The following TLL1 variants were observed in gnomAD, a reference collection of about 807,000 sequenced individuals.
The protein encoded by TLL1 is tolloid-like protein 1.
In TLL1, 49 loss-of-function variants were observed where a neutral mutation model predicts 128.2. The observed-to-expected ratio is 0.38, with a 90% CI of 0.30 to 0.48. The LOEUF is 0.48. Ranked by LOEUF, TLL1 falls within the 20% of genes least tolerant of loss-of-function variation. The pLI is 0.96. For missense variants in TLL1, 1,123 were observed against 1,242.0 expected (o/e 0.90, Z 1.44); for synonymous variants, 454 against 418.8 (o/e 1.08, Z -1.03).
At chr4:166,094,508 C>G (rs181876352) in intron 19 of TLL1, among the ~76,000 whole-genome samples, 3 of 152,102 alleles carry the variant, frequency 2.0e-5, no homozygotes, top group Non-Finnish European at 2.9e-5. Flanking sequence ...ACGTGAGGAA[C>G]CCCAATCACA....
At chr4:166,056,484 G>A (rs1740012781) in intron 13 of TLL1, among the ~76,000 whole-genome samples, 1 of 151,702 alleles carries the variant, frequency 6.6e-6, no homozygotes, top group Non-Finnish European at 1.5e-5. Flanking sequence ...ATTTTCTGGA[G>A]CAAAATGTCT....
At chr4:165,912,919 G>C (rs1441569241) in intron 1 of TLL1, among the ~76,000 whole-genome samples, 6 of 151,548 alleles carry the variant, frequency 4.0e-5, no homozygotes, top group African/African-American at 1.2e-4. Context: ...GGATTGAGCT[G>C]TTTTCTTTTT....
At chr4:166,035,025 C>T (rs1438830953) in intron 9 of TLL1, among the ~76,000 whole-genome samples, 1 of 152,182 alleles carries the variant, frequency 6.6e-6, no homozygotes, top group African/African-American at 2.4e-5. Context: ...GCAGAGCCCT[C>T]CCGGCTTAAT....
chr4:165,941,154 C>T (rs1733987109), intron 1 of TLL1, among the ~76,000 whole-genome samples: 1 of 151,944 alleles, frequency 6.6e-6, no homozygotes. Flanking sequence ...GTTTGAAAGA[C>T]ATGATTTGTT....
At chr4:166,093,067 G>A (rs902218098) in intron 19 of TLL1, among the ~76,000 whole-genome samples, 5 of 152,278 alleles carry the variant, frequency 3.3e-5, no homozygotes, top group African/African-American at 9.6e-5. Flanking sequence ...GTCATGTGAA[G>A]GGGTGGCCTG....
intron 7 of TLL1, among the ~76,000 whole-genome samples, chr4:166,012,831 C>T (rs1737760580): frequency 6.6e-6 from 1 of 151,676 alleles, no homozygotes; most frequent in African/African-American, 2.4e-5. Flanking sequence ...ATGTTTAGAT[C>T]TTGTAGTAAA....
rs76264237 is a variant in TLL1, at chr4:166,046,197, T to A, written c.1524+2778T>A. Among the ~76,000 whole-genome samples the A allele has an allele frequency of 5.5e-3, 839 of 152,306 alleles. 4 individuals carry two copies. Among genetic ancestry groups the A allele is most frequent in the African/African-American group, 0.019 (793 of 41,572 alleles). ...TGGATGGATTATATGTAAGTCAATG[T>A]ATGAATGTGTGATGGTTGGCAGATG... On this transcript the variant is annotated intron_variant, in intron 12 of 20. Transcript: ENST00000061240.
chr4:165,935,577 C>A (rs951795001), intron 1 of TLL1, among the ~76,000 whole-genome samples: 3 of 152,212 alleles, frequency 2.0e-5, no homozygotes, highest in Non-Finnish European at 4.4e-5. Flanking sequence ...AACATTTCCA[C>A]TGGCTGCAAA....
At chr4:165,907,974 G>A (rs1424786448) in intron 1 of TLL1, among the ~76,000 whole-genome samples, 1 of 152,224 alleles carries the variant, frequency 6.6e-6, no homozygotes, top group Non-Finnish European at 1.5e-5. Flanking sequence ...TGTAAAGGAA[G>A]AGATACTCTT....
intron 16 of TLL1, among the ~76,000 whole-genome samples, chr4:166,071,765 G>A (rs1740812337): frequency 6.6e-6 from 1 of 151,768 alleles, no homozygotes; most frequent in South Asian, 2.1e-4. Context: ...TTTGTAAATA[G>A]GAAATCTATA....
At chr4:165,886,877 A>C (rs950923993) in intron 1 of TLL1, among the ~76,000 whole-genome samples, 5 of 152,160 alleles carry the variant, frequency 3.3e-5, no homozygotes, top group African/African-American at 1.2e-4. Context: ...TATGCATCTC[A>C]GGGAAGGTGA....
chr4:165,925,726 T>C (rs1393765731), intron 1 of TLL1, among the ~76,000 whole-genome samples: 1 of 152,202 alleles, frequency 6.6e-6, no homozygotes, highest in Non-Finnish European at 1.5e-5. Flanking sequence ...AATAGCATGA[T>C]ACAGAGAAAT....
intron 1 of TLL1, among the ~76,000 whole-genome samples, chr4:165,902,317 A>C (rs1312012462): frequency 6.6e-6 from 1 of 152,134 alleles, no homozygotes; most frequent in Admixed American, 6.5e-5. Context: ...AAACAAAAAA[A>C]CAAAAACAAA....
At chr4:166,091,908 G>T (rs531036349) in intron 19 of TLL1, among the ~76,000 whole-genome samples, 4 of 152,072 alleles carry the variant, frequency 2.6e-5, no homozygotes, top group Admixed American at 2.0e-4. Flanking sequence ...AAATCTTAAA[G>T]AAATAGAATT....
intron 1 of TLL1, among the ~76,000 whole-genome samples, chr4:165,935,719 T>C (rs1733733255): frequency 1.3e-5 from 2 of 152,230 alleles, no homozygotes; most frequent in East Asian, 1.9e-4. Flanking sequence ...CACTATAGTT[T>C]AGTCTGGCCC....
intron 15 of TLL1, among the ~76,000 whole-genome samples, chr4:166,063,695 C>T (rs1740441530): frequency 6.6e-6 from 1 of 152,076 alleles, no homozygotes; most frequent in African/African-American, 2.4e-5. Flanking sequence ...TTTGTAGAGA[C>T]ATGGATGAAG....
At chr4:166,008,986 A>AT (rs1320479416) in intron 7 of TLL1, among the ~76,000 whole-genome samples, 2 of 151,242 alleles carry the variant, frequency 1.3e-5, no homozygotes, top group African/African-American at 2.4e-5. Context: ...TTAATTACCC[A>AT]TTTTTTCCAA....
At chr4:165,887,949 T>C (rs914796798) in intron 1 of TLL1, among the ~76,000 whole-genome samples, 1 of 152,194 alleles carries the variant, frequency 6.6e-6, no homozygotes, top group African/African-American at 2.4e-5. Context: ...TTAAGACCAG[T>C]TGTTGCTATT....
chr4:166,099,532 A>G lies in TLL1; in HGVS notation c.2907+5A>G. On this transcript the variant is annotated splice_donor_5th_base_variant and intron_variant, in intron 20 of 20. Coordinates refer to ENST00000061240, the MANE Select transcript of TLL1 (RefSeq NM_012464.5). ...GGTCGATTCTGTGGATCCGGGGTAA[A>G]TATACCACCAACAGAATACCCTAGA... 6.2e-7 allele frequency: 1 copy of G among 1,613,120 alleles called. No individual in the cohort carries two copies. The highest frequency in any genetic ancestry group is 1.1e-5 in the South Asian group (1 of 91,068).
Sources: gnomAD v4.1 joint callset for allele counts (sites outside exome capture counted in the v4.1 genomes callset) on GRCh38, gnomAD v4.1.1 for gene constraint, MANE v1.5 for transcripts, NCBI Gene and HGNC (gene_info 2026-07-23, HGNC 2026-07-21) for gene names.